FNDC3A: variants seen among roughly 807,000 people sequenced by gnomAD.
The protein encoded by FNDC3A is fibronectin type-III domain-containing protein 3A.
In FNDC3A, 32 loss-of-function variants were observed where a neutral mutation model predicts 148.9. That is an observed-to-expected ratio of 0.21 (90% confidence interval 0.16 to 0.29). FNDC3A has a LOEUF of 0.29. Ranked by LOEUF, FNDC3A falls within the 10% of genes least tolerant of loss-of-function variation. FNDC3A has a pLI of 1.00. For missense variants in FNDC3A, 1,191 were observed against 1,452.8 expected, an observed-to-expected ratio of 0.82 and a Z score of 2.93; for synonymous variants, 472 against 473.6, an observed-to-expected ratio of 1.00 and a Z score of 0.04.
intron 4 of FNDC3A, among the ~76,000 whole-genome samples, chr13:49,124,803 A>T (rs2137907188): frequency 6.6e-6 from 1 of 152,354 alleles, no homozygotes; most frequent in African/African-American, 2.4e-5. Context: ...TGCCAGGAGT[A>T]GAAGGAACTT....
chr13:48,991,009 T>C (rs919027893), intron 1 of FNDC3A, among the ~76,000 whole-genome samples: 1 of 152,070 alleles, frequency 6.6e-6, no homozygotes, highest in African/African-American at 2.4e-5. Context: ...TAGGAAATAA[T>C]TCAAAATGAA....
At chr13:49,016,637 C>T (rs891079809) in intron 2 of FNDC3A, among the ~76,000 whole-genome samples, 1 of 151,886 alleles carries the variant, frequency 6.6e-6, no homozygotes, top group African/African-American at 2.4e-5. Flanking sequence ...TTCTTGCCTT[C>T]TGCTAGCTTT....
At chr13:49,143,745 G>A (rs1882819593) in intron 7 of FNDC3A, among the ~76,000 whole-genome samples, 1 of 152,074 alleles carries the variant, frequency 6.6e-6, no homozygotes, top group African/African-American at 2.4e-5. Flanking sequence ...AAGAGGGTGA[G>A]ACTTCAGTAT....
intron 14 of FNDC3A, among the ~76,000 whole-genome samples, chr13:49,182,545 T>G (rs369787963): frequency 1.3e-5 from 2 of 152,078 alleles, no homozygotes; most frequent in Admixed American, 6.5e-5. Flanking sequence ...GGATTTTTTT[T>G]TCTTTTTTTT....
chr13:49,206,785 A>C (rs956399484), intron 25 of FNDC3A, among the ~76,000 whole-genome samples: 5 of 152,190 alleles, frequency 3.3e-5, no homozygotes, highest in South Asian at 2.1e-4. Flanking sequence ...AAAAGCAAGA[A>C]AATGCTTGAG....
At chr13:49,010,628 G>A (rs1027214946) in intron 2 of FNDC3A, among the ~76,000 whole-genome samples, 21 of 152,232 alleles carry the variant, frequency 1.4e-4, no homozygotes, top group African/African-American at 2.9e-4. Context: ...AGAAAAGTAC[G>A]TAAAATAAGC....
Position 49,191,376 on chromosome 13 carries a change from A to G in FNDC3A, c.2218A>G (p.Lys740Glu), listed in dbSNP as rs1885880359. The change falls in exon 19 of 26, where the codon AAA becomes GAA. Residue 740 changes from lysine (K) to glutamate (E), a missense_variant. Physicochemically the swap from Lys to Glu is moderately conservative, Grantham distance 56. Around this residue, in one of 3 missense-constraint regions of FNDC3A, gnomAD observed 751 missense variants for 944.0 expected, o/e 0.80. Coordinates refer to ENST00000492622, the MANE Select transcript of FNDC3A (RefSeq NM_001079673.2). ...TYSFRLRAAN[K>E]MGFGPFSEKC... ...CAGCTTCAGACTACGTGCAGCTAAC[A>G]AAATGGGGGTAAGAAGACTGTGCTG... The G allele has an allele frequency of 6.3e-7, 1 of 1,590,362 alleles. No homozygotes were observed. Among genetic ancestry groups the G allele is most frequent in the South Asian group, 1.2e-5 (1 of 86,422 alleles).
chr13:49,056,095 C>T (rs1238199869), intron 2 of FNDC3A, among the ~76,000 whole-genome samples: 1 of 151,624 alleles, frequency 6.6e-6, no homozygotes, highest in Non-Finnish European at 1.5e-5. Context: ...CTGAGGTGGG[C>T]AGGTTGCTTT....
chr13:49,178,621 A>G lies in FNDC3A; in HGVS notation c.1584A>G (p.Lys528=). Residue 528 remains lysine (K), a synonymous_variant, in exon 14 of 26, where the codon AAA becomes AAG. Coordinates refer to ENST00000492622, the MANE Select transcript of FNDC3A (RefSeq NM_001079673.2). ...GAGAAGATCTTGCTTACACAGTGAA[A>G]AATCTCAGACGTAGTACTAAGTATA... ...YDGEDLAYTV[K]NLRRSTKYKF... is the part of the protein sequence containing the mutation. 1 of 1,582,792 alleles carries G rather than the reference A, an allele frequency of 6.3e-7. No individual in the cohort carries two copies. The highest frequency in any genetic ancestry group is 8.6e-7 in the Non-Finnish European group (1 of 1,165,830).
chr13:49,181,628 T>A (rs1333340059), intron 14 of FNDC3A, among the ~76,000 whole-genome samples: 1 of 152,210 alleles, frequency 6.6e-6, no homozygotes, highest in Non-Finnish European at 1.5e-5. Context: ...TTTTGAATCA[T>A]TAAATCCTAT....
At chr13:49,042,798 GTATT>G (rs1350301390) in intron 2 of FNDC3A, among the ~76,000 whole-genome samples, 1 of 152,130 alleles carries the variant, frequency 6.6e-6, no homozygotes, top group Non-Finnish European at 1.5e-5. Context: ...GTTGTTGTAA[GTATT>G]TAGAGGTCTG....
chr13:49,009,141 C>T (rs941314227), intron 2 of FNDC3A, among the ~76,000 whole-genome samples: 4 of 152,144 alleles, frequency 2.6e-5, no homozygotes, highest in African/African-American at 7.2e-5. Flanking sequence ...TCTTCCTTTA[C>T]TCCCCCCAAA....
At chr13:49,102,275 C>G (rs1466666333) in intron 3 of FNDC3A, among the ~76,000 whole-genome samples, 7 of 151,816 alleles carry the variant, frequency 4.6e-5, no homozygotes, top group African/African-American at 7.3e-5. Context: ...CTTAAATTGT[C>G]TTTTGGAATG....
chr13:49,067,122 T>C (rs533975588), intron 2 of FNDC3A, among the ~76,000 whole-genome samples: 1 of 152,288 alleles, frequency 6.6e-6, no homozygotes, highest in Non-Finnish European at 1.5e-5. Flanking sequence ...ATGCTGTTAA[T>C]TGGCTATTCT....
intron 12 of FNDC3A, 54 bp from the exon 13 acceptor site, chr13:49,175,313 C>G (rs563000961): frequency 2.3e-6 from 3 of 1,301,002 alleles, no homozygotes; most frequent in Non-Finnish European, 3.1e-6. Context: ...CAAACTTGTT[C>G]TTTCACTGTA....
At chr13:49,206,498 C>T (rs564357999) in intron 25 of FNDC3A, among the ~76,000 whole-genome samples, 173 of 152,222 alleles carry the variant, frequency 1.1e-3, no homozygotes, top group Non-Finnish European at 1.8e-3. Flanking sequence ...TCTGAAAATC[C>T]GTGGAATTTC....
intron 1 of FNDC3A, among the ~76,000 whole-genome samples, chr13:48,998,000 A>G (rs1211207623): frequency 6.6e-6 from 1 of 152,102 alleles, no homozygotes; most frequent in Non-Finnish European, 1.5e-5. Context: ...GAAAGCCTCC[A>G]TCTTCAAGGA....
At chr13:49,172,406 C>G (rs1884802860) in intron 11 of FNDC3A, among the ~76,000 whole-genome samples, 1 of 152,114 alleles carries the variant, frequency 6.6e-6, no homozygotes, top group African/African-American at 2.4e-5. Flanking sequence ...TACCCCAAAC[C>G]TGACATTAAA....
intron 2 of FNDC3A, among the ~76,000 whole-genome samples, chr13:49,010,674 T>G (rs1952321189): frequency 1.3e-5 from 2 of 152,174 alleles, no homozygotes; most frequent in Non-Finnish European, 2.9e-5. Flanking sequence ...GCATAAATCT[T>G]GTAACTACAA....
Sources: gnomAD v4.1 joint callset for allele counts (sites outside exome capture counted in the v4.1 genomes callset) on GRCh38, gnomAD v4.1.1 for gene constraint, gnomAD v4.1.1 regional missense constraint, MANE v1.5 for transcripts, NCBI Gene and HGNC (gene_info 2026-07-23, HGNC 2026-07-21) for gene names.